The following DCC variants were observed in gnomAD, a reference collection of about 807,000 sequenced individuals.
DCC encodes the protein DCC netrin 1 receptor.
A neutral mutation model predicts 172.5 loss-of-function variants in DCC; 58 were observed. The ratio of observed to expected loss-of-function variants is 0.34; its 90% CI spans 0.27 to 0.42. The LOEUF (loss-of-function observed/expected upper bound fraction) is 0.42. Ranked by LOEUF, DCC falls within the 10% of genes least tolerant of loss-of-function variation. The pLI is 1.00. For synonymous variants in DCC, 709 were observed against 644.5 expected (o/e 1.10, Z -1.52); for missense variants, 1,740 against 1,791.0 (o/e 0.97, Z 0.51).
chr18:52,606,324 A>C (rs1598950910), intron 1 of DCC, among the ~76,000 whole-genome samples: 1 of 152,100 alleles, frequency 6.6e-6, no homozygotes, highest in African/African-American at 2.4e-5. Flanking sequence ...AAAAAACAAC[A>C]AAAAACACCA....
At chr18:53,048,330 T>C (rs574034264) in intron 5 of DCC, among the ~76,000 whole-genome samples, 1 of 151,842 alleles carries the variant, frequency 6.6e-6, no homozygotes, top group Non-Finnish European at 1.5e-5. Flanking sequence ...TTTCTGTCCA[T>C]GTGTTCTTGT....
At chr18:53,242,155 C>G (rs1462563874) in intron 12 of DCC, among the ~76,000 whole-genome samples, 7 of 152,018 alleles carry the variant, frequency 4.6e-5, no homozygotes, top group African/African-American at 1.7e-4. Flanking sequence ...GAGTCTTAAT[C>G]AATCACTGGT....
intron 7 of DCC, among the ~76,000 whole-genome samples, chr18:53,105,841 C>T (rs2043238191): frequency 6.6e-6 from 1 of 151,624 alleles, no homozygotes; most frequent in South Asian, 2.1e-4. Flanking sequence ...TGCCATCATG[C>T]CTGCCTGGAA....
chr18:52,639,734 GA>G (rs899574165), intron 1 of DCC, among the ~76,000 whole-genome samples: 2 of 151,472 alleles, frequency 1.3e-5, no homozygotes, highest in African/African-American at 2.4e-5. Context: ...AAATTACCAT[GA>G]AAAAAAAGTT....
chr18:53,486,070 AT>A (rs1297565850), intron 25 of DCC, among the ~76,000 whole-genome samples: 5 of 152,106 alleles, frequency 3.3e-5, no homozygotes, highest in Non-Finnish European at 7.4e-5. Flanking sequence ...ATTGACTACA[AT>A]TGGAATATTT....
chr18:52,507,680 C>T (rs578036324), intron 1 of DCC, among the ~76,000 whole-genome samples: 1 of 152,190 alleles, frequency 6.6e-6, no homozygotes, highest in African/African-American at 2.4e-5. Context: ...CCAGCTAAAC[C>T]TTTTCTTTTG....
At position 53,335,468 on chromosome 18, in the gene DCC, C is replaced by T. The variant is rs183261601; in HGVS notation, c.2165-4245C>T. The stretch of plus-strand genomic sequence containing the variant: ...ATATAATACATGACCGAGTATGCTG[C>T]ATGTGAACATTACACATTAGTGGAA... On this transcript the variant is annotated intron_variant, in intron 14 of 28. Transcript: ENST00000442544. 5.3e-5 allele frequency among the ~76,000 whole-genome samples: 8 copies of T among 152,238 alleles called. No homozygotes were observed. In the East Asian group the frequency reaches 1.5e-3, roughly 29 times the overall value.
At chr18:52,539,517 C>A (rs989422606) in intron 1 of DCC, among the ~76,000 whole-genome samples, 1 of 152,170 alleles carries the variant, frequency 6.6e-6, no homozygotes, top group South Asian at 2.1e-4. Context: ...AGGAGTACAA[C>A]CCCTATTGTG....
chr18:53,487,718 C>A, intron 26 of DCC, among the ~76,000 whole-genome samples: 1 of 152,156 alleles, frequency 6.6e-6, no homozygotes. Flanking sequence ...TCTAAGAAAT[C>A]ATAAATCGTC....
At chr18:53,222,330 C>T (rs2055947596) in intron 12 of DCC, among the ~76,000 whole-genome samples, 1 of 151,554 alleles carries the variant, frequency 6.6e-6, no homozygotes. Flanking sequence ...GCAGCCCTTC[C>T]TAAAGTCTAT....
chr18:52,389,606 A>G (rs951891659), intron 1 of DCC, among the ~76,000 whole-genome samples: 3 of 152,104 alleles, frequency 2.0e-5, no homozygotes, highest in Non-Finnish European at 4.4e-5. Context: ...GCAAAAAGCA[A>G]TATGGATTTC....
chr18:52,598,890 G>C (rs2033961151), intron 1 of DCC, among the ~76,000 whole-genome samples: 1 of 152,108 alleles, frequency 6.6e-6, no homozygotes, highest in South Asian at 2.1e-4. Context: ...TTTTCCAGAG[G>C]GGTGGAATGC....
intron 1 of DCC, among the ~76,000 whole-genome samples, chr18:52,566,032 G>A (rs1474277731): frequency 1.3e-5 from 2 of 152,076 alleles, no homozygotes; most frequent in Admixed American, 1.3e-4. Flanking sequence ...TAAGGGAAGA[G>A]TCCAGTTTCA....
chr18:53,069,728 C>T (rs1334906454), intron 7 of DCC, among the ~76,000 whole-genome samples: 1 of 152,112 alleles, frequency 6.6e-6, no homozygotes, highest in Non-Finnish European at 1.5e-5. Context: ...CCATCCTCCC[C>T]TCTCTGACCC....
At chr18:53,407,099 G>A (rs889095730) in intron 19 of DCC, among the ~76,000 whole-genome samples, 3 of 152,100 alleles carry the variant, frequency 2.0e-5, no homozygotes, top group Non-Finnish European at 2.9e-5. Context: ...ATTTTACATA[G>A]ATTAAAAACA....
intron 12 of DCC, among the ~76,000 whole-genome samples, chr18:53,257,446 C>A (rs1023304794): frequency 6.6e-6 from 1 of 152,090 alleles, no homozygotes; most frequent in Non-Finnish European, 1.5e-5. Flanking sequence ...TGTCAAAGGC[C>A]TTTTCTGCAT....
intron 1 of DCC, among the ~76,000 whole-genome samples, chr18:52,696,964 A>G (rs1481220085): frequency 1.3e-5 from 2 of 152,188 alleles, no homozygotes; most frequent in African/African-American, 4.8e-5. Context: ...CTGCACAGTC[A>G]GATTTGGGAG....
At chr18:52,642,369 G>T (rs1190234552) in intron 1 of DCC, among the ~76,000 whole-genome samples, 4 of 151,952 alleles carry the variant, frequency 2.6e-5, no homozygotes, top group Admixed American at 1.3e-4. Context: ...ATATGGTGCA[G>T]TGTATACTGC....
At chr18:53,293,246 C>A (rs2057026276) in intron 12 of DCC, among the ~76,000 whole-genome samples, 1 of 152,164 alleles carries the variant, frequency 6.6e-6, no homozygotes, top group Non-Finnish European at 1.5e-5. Flanking sequence ...GAACACTATT[C>A]TGCCTTTCTC....
Sources: allele counts gnomAD v4.1 joint callset (sites outside exome capture counted in the v4.1 genomes callset), GRCh38; gene constraint gnomAD v4.1.1; transcripts MANE v1.5; gene names NCBI Gene and HGNC (gene_info 2026-07-23, HGNC 2026-07-21).